The following MIOS variants were observed in gnomAD, a reference collection of about 807,000 sequenced individuals.
MIOS encodes GATOR2 complex protein MIOS.
A neutral mutation model predicts 96.9 loss-of-function variants in MIOS; 52 were observed. That is an observed-to-expected ratio of 0.54 (90% confidence interval 0.43 to 0.68). The LOEUF (loss-of-function observed/expected upper bound fraction) is 0.68, where lower values mean the gene tolerates loss of function less well. Ranked by LOEUF, MIOS falls within the 30% of genes least tolerant of loss-of-function variation. The pLI is 0.00. For synonymous variants in MIOS, 397 were observed against 359.5 expected, an observed-to-expected ratio of 1.10 and a Z score of -1.18; for missense variants, 1,005 against 1,052.8, an observed-to-expected ratio of 0.95 and a Z score of 0.63.
intron 11 of MIOS, among the ~76,000 whole-genome samples, chr7:7,599,252 A>G (rs567424110): frequency 1.1e-4 from 17 of 152,288 alleles, no homozygotes; most frequent in African/African-American, 4.1e-4. Context: ...TCTCTTATTT[A>G]TTAGTGAATA....
chr7:7,572,441 G>A lies in MIOS; in HGVS notation c.-35G>A. 1 of 1,458,818 alleles carries A rather than the reference G, an allele frequency of 6.9e-7. No individual in the cohort carries two copies. Among genetic ancestry groups the A allele is most frequent in the Non-Finnish European group, 9.3e-7 (1 of 1,074,514 alleles). The allele number at this position is 1,458,818 out of a possible 1,614,324, so 90.4% of individuals were successfully genotyped here. On this transcript the variant is annotated 5_prime_UTR_variant, in exon 4 of 13. The change abolishes an upstream ATG in the 5' untranslated region. Coordinates refer to ENST00000340080, the MANE Select transcript of MIOS (RefSeq NM_019005.4). This position sits in a 1 kb window ranked among gnomAD's most constrained non-coding sequence, Gnocchi z 4.8. ...TTATTTTTAAACATTTTCAGTGAAT[G>A]GACCTGAGTGGACCCTTTGATCACA...
chr7:7,591,440 G>A (rs2115442216), intron 9 of MIOS, among the ~76,000 whole-genome samples: 1 of 151,474 alleles, frequency 6.6e-6, no homozygotes, highest in Admixed American at 6.6e-5. Flanking sequence ...CACCACTCCT[G>A]GCTAATTTTT....
chr7:7,604,203 TTTAA>T (rs932152719), intron 11 of MIOS, among the ~76,000 whole-genome samples: 4 of 152,040 alleles, frequency 2.6e-5, no homozygotes, highest in Non-Finnish European at 4.4e-5. Flanking sequence ...ACCCTAAAAC[TTTAA>T]TAATAATAAA....
At chr7:7,587,318 C>T (rs942698950) in intron 7 of MIOS, among the ~76,000 whole-genome samples, 17 of 152,122 alleles carry the variant, frequency 1.1e-4, no homozygotes, top group African/African-American at 3.9e-4. Flanking sequence ...CCATGCCCTG[C>T]CCCAGTATCC....
chr7:7,602,522 G>A (rs1214573384), intron 11 of MIOS, among the ~76,000 whole-genome samples: 2 of 152,126 alleles, frequency 1.3e-5, no homozygotes, highest in Non-Finnish European at 2.9e-5. Context: ...TACAAGGGAT[G>A]TGAAGGACCT....
In MIOS at chr7:7,602,963, A is replaced by G. The variant is rs563461998; in HGVS notation, c.2402-2979A>G. Among the ~76,000 whole-genome samples, 209 of 152,206 alleles carry G rather than the reference A, an allele frequency of 1.4e-3. 1 individual carries two copies. The highest frequency in any genetic ancestry group is 4.9e-3 in the African/African-American group (203 of 41,502). On this transcript the variant is annotated intron_variant, in intron 11 of 12. Transcript: ENST00000340080. ...TTGACAAACCTGAGAAAAACAAGCA[A>G]TGGGGAAAGGATTCCCTATTTAATA...
intron 5 of MIOS, among the ~76,000 whole-genome samples, chr7:7,580,680 A>G (rs6973736): frequency 0.26 from 37,361 of 145,322 alleles, 4,913 homozygotes; most frequent in Middle Eastern, 0.39. Flanking sequence ...ACCTTTGACT[A>G]TGTACTATTT....
At chr7:7,594,514 C>G (rs1343635769) in intron 9 of MIOS, among the ~76,000 whole-genome samples, 1 of 152,044 alleles carries the variant, frequency 6.6e-6, no homozygotes, top group Non-Finnish European at 1.5e-5. Flanking sequence ...AGGCTGGTCT[C>G]GAACTCCTGA....
rs1277600169 is a variant in MIOS, at chr7:7,574,672, A to G, written c.1393+476A>G. 1.3e-5 allele frequency among the ~76,000 whole-genome samples: 2 copies of G among 152,136 alleles called. 1 individual carries two copies. Among genetic ancestry groups the G allele is most frequent in the Non-Finnish European group, 2.9e-5 (2 of 67,992 alleles). On this transcript the variant is annotated intron_variant, in intron 5 of 12. Transcript: ENST00000340080. Reference sequence around the variant, plus strand: ...ATATGGCCTAACGTGGAGGAATTATACCTGATATAGTCCTTGGTTAATTAG... The same window carrying G: ...ATATGGCCTAACGTGGAGGAATTATGCCTGATATAGTCCTTGGTTAATTAG...
chr7:7,569,633 A>G (rs1783282600), intron 3 of MIOS, among the ~76,000 whole-genome samples: 1 of 152,222 alleles, frequency 6.6e-6, no homozygotes, highest in Admixed American at 6.5e-5. Flanking sequence ...ACAATGGAAC[A>G]CCAAAAATAC....
intron 5 of MIOS, among the ~76,000 whole-genome samples, chr7:7,582,270 CCTT>C (rs887902033): frequency 4.6e-5 from 7 of 152,052 alleles, no homozygotes; most frequent in African/African-American, 1.7e-4. Flanking sequence ...TTCTGAAAAT[CCTT>C]TTTGTTAAAA....
intron 11 of MIOS, among the ~76,000 whole-genome samples, chr7:7,598,690 A>C (rs953107875): frequency 3.9e-5 from 6 of 152,024 alleles, no homozygotes; most frequent in African/African-American, 1.2e-4. Flanking sequence ...GGAAGCTATA[A>C]GGATTATTTG....
At chr7:7,597,873 C>A (rs562393151) in intron 11 of MIOS, among the ~76,000 whole-genome samples, 1 of 152,178 alleles carries the variant, frequency 6.6e-6, no homozygotes, top group African/African-American at 2.4e-5. Context: ...CCCTGTTGCC[C>A]TGGCTGGTCT....
At chr7:7,596,032 T>A (rs556777022) in intron 10 of MIOS, among the ~76,000 whole-genome samples, 1 of 152,180 alleles carries the variant, frequency 6.6e-6, no homozygotes, top group African/African-American at 2.4e-5. Flanking sequence ...TCCACCAATT[T>A]CAGTGGTATT....
rs1000927602 is a variant in MIOS at position 7,608,021 on chromosome 7, G to A, written c.*929G>A. The A allele has an allele frequency of 2.6e-5, 4 of 152,052 alleles. No homozygotes were observed. The highest frequency in any genetic ancestry group is 7.2e-5 in the African/African-American group (3 of 41,400). The allele number at this position is 152,052 out of a possible 1,614,324, so 9.4% of individuals were successfully genotyped here. ...CAGTGTTTCTGTGCTGTCAAATTCC[G>A]TCCTGATTTGGAATACCATACCTTG... On this transcript the variant is annotated 3_prime_UTR_variant, in exon 13 of 13. Transcript: ENST00000340080.
chr7:7,601,051 G>A (rs1317838823), intron 11 of MIOS, among the ~76,000 whole-genome samples: 1 of 117,082 alleles, frequency 8.5e-6, no homozygotes, highest in Non-Finnish European at 1.9e-5. Context: ...CAGAATCTCT[G>A]GGACACATTC....
intron 9 of MIOS, 37 bp downstream of exon 9, chr7:7,589,600 C>T: frequency 6.4e-7 from 1 of 1,566,344 alleles, no homozygotes; most frequent in Non-Finnish European, 8.7e-7. Context: ...AAAAAAGTAA[C>T]AATATTCTAT....
Position 7,606,988 on chromosome 7 carries a change from T to A in MIOS, c.2532-8T>A. The A allele has an allele frequency of 1.2e-6, 2 of 1,601,846 alleles. No homozygotes were observed. Among genetic ancestry groups the A allele is most frequent in the Non-Finnish European group, 1.7e-6 (2 of 1,173,592 alleles). The stretch of plus-strand genomic sequence containing the variant: ...GATTTTTAACTGTTATTTGACCTAT[T>A]TTTTTAGGGACCATGCAGAGTGCCC... On this transcript the variant is annotated splice_region_variant and splice_polypyrimidine_tract_variant and intron_variant, in intron 12 of 12. Coordinates refer to ENST00000340080, the MANE Select transcript of MIOS (RefSeq NM_019005.4).
At position 7,572,464 on chromosome 7, in the gene MIOS, A is replaced by G. The variant is rs1056445596; in HGVS notation, c.-12A>G. On this transcript the variant is annotated 5_prime_UTR_variant, in exon 4 of 13. Transcript: ENST00000340080. This position sits in a 1 kb window ranked among gnomAD's most constrained non-coding sequence, Gnocchi z 4.8. ...ATGGACCTGAGTGGACCCTTTGATC[A>G]CATCAGTAAACATGAGCGGTACCAA... 1.5e-5 allele frequency: 24 copies of G among 1,593,940 alleles called. No homozygotes were observed. Among genetic ancestry groups the G allele is most frequent in the Non-Finnish European group, 1.9e-5 (22 of 1,166,218 alleles).
Sources: allele counts gnomAD v4.1 joint callset (sites outside exome capture counted in the v4.1 genomes callset), GRCh38; gene constraint gnomAD v4.1.1; non-coding constraint Gnocchi (gnomAD v3.1); transcripts MANE v1.5; gene names NCBI Gene and HGNC (gene_info 2026-07-23, HGNC 2026-07-21).